Variants in VAMP3 observed in about 807,000 individuals in gnomAD.
VAMP3 encodes vesicle-associated membrane protein 3.
Under a neutral mutation model 18.1 loss-of-function variants are expected in VAMP3, and 11 were observed. The ratio of observed to expected loss-of-function variants is 0.61; its 90% CI spans 0.38 to 1.00. The LOEUF is 1.00. Among genes scored for constraint, VAMP3 ranks in the 50% least tolerant of loss-of-function variants. The pLI is 0.01. For synonymous variants in VAMP3, 49 were observed against 43.1 expected (o/e 1.14, Z -0.53); for missense variants, 122 against 127.3 (o/e 0.96, Z 0.20).
chr1:7,779,282 A>G (rs1459373311), intron 4 of VAMP3, among the ~76,000 whole-genome samples: 2 of 152,170 alleles, frequency 1.3e-5, no homozygotes, highest in Admixed American at 1.3e-4. Flanking sequence ...TAAATAATAT[A>G]TATGTATACA....
intron 1 of VAMP3, among the ~76,000 whole-genome samples, chr1:7,771,969 C>T (rs1048045106): frequency 3.9e-5 from 6 of 152,350 alleles, no homozygotes; most frequent in African/African-American, 9.6e-5. Flanking sequence ...CCCTCTTCCA[C>T]CTCCATTCTG....
chr1:7,771,911 C>G (rs2097051243), intron 1 of VAMP3, among the ~76,000 whole-genome samples: 1 of 152,250 alleles, frequency 6.6e-6, no homozygotes, highest in African/African-American at 2.4e-5. Context: ...ACCCCTGCTT[C>G]CAGTGGTAAG....
In VAMP3 at chr1:7,777,183, C is replaced by T. The variant is rs762652944; in HGVS notation, c.96C>T (p.Asn32=). 4.8e-5 allele frequency: 78 copies of T among 1,612,524 alleles called. No homozygotes were observed. The highest frequency in any genetic ancestry group is 6.7e-5 in the African/African-American group (5 of 74,868). ...AGGTGGTGGACATAATGCGAGTTAA[C>T]GTGGACAAGGTTCTGGAAAGAGACC... ...VDEVVDIMRV[N]VDKVLERDQK... is the part of the protein sequence containing the mutation. The change falls in exon 3 of 5, where the codon AAC becomes AAT. Residue 32 remains asparagine (N), a synonymous_variant. Coordinates refer to ENST00000054666, the MANE Select transcript of VAMP3 (RefSeq NM_004781.4).
intron 4 of VAMP3, among the ~76,000 whole-genome samples, chr1:7,778,464 T>G (rs903299287): frequency 6.6e-6 from 1 of 152,058 alleles, no homozygotes; most frequent in African/African-American, 2.4e-5. Flanking sequence ...AGCCCAGGAA[T>G]TCAAGGCTGC....
chr1:7,781,018 C>CA lies in VAMP3; in HGVS notation c.*1374dup, dbSNP rs1188609295. On this transcript the variant is annotated 3_prime_UTR_variant, in exon 5 of 5. Coordinates refer to ENST00000054666, the MANE Select transcript of VAMP3 (RefSeq NM_004781.4). ...AAGGAGGCACTGAGGGAGAAAGACA[C>CA]AGACTTTATCGCTCTGTGGCTCATT... The CA allele has an allele frequency of 6.5e-6, 1 of 152,816 alleles. No homozygotes were observed. Among genetic ancestry groups the CA allele is most frequent in the Non-Finnish European group, 1.5e-5 (1 of 68,038 alleles). 9.5% of individuals were successfully genotyped at this position (152,816 alleles called of 1,614,324 possible). A position where few individuals can be genotyped will look rare whatever the true frequency, so the allele number is the denominator to read the frequency against.
rs1342132632 is a variant in VAMP3 at position 7,781,398 on chromosome 1, C to T, written c.*1753C>T. 1 of 152,556 alleles carries T rather than the reference C, an allele frequency of 6.6e-6. No individual in the cohort carries two copies. Among genetic ancestry groups the T allele is most frequent in the Admixed American group, 6.5e-5 (1 of 15,284 alleles). The allele number at this position is 152,556 out of a possible 1,614,324, so 9.5% of individuals were successfully genotyped here. ...GTGCACTTAGCTGGGAACTTACCCA[C>T]TGTAATCACCTAAATAAAGTGTTTA... is the stretch of plus-strand genomic sequence containing the variant. On this transcript the variant is annotated 3_prime_UTR_variant, in exon 5 of 5. Transcript: ENST00000054666.
rs539097478 is a variant in VAMP3, at chr1:7,780,746, C to T, written c.*1101C>T. On this transcript the variant is annotated 3_prime_UTR_variant, in exon 5 of 5. Coordinates refer to ENST00000054666, the MANE Select transcript of VAMP3 (RefSeq NM_004781.4). ...TTTGTTTCCTATTTGTATTCACATTCTGCTTCCTAAATCAGTTTTCTAAAT... is the reference window on the plus strand; with the variant it reads ...TTTGTTTCCTATTTGTATTCACATTTTGCTTCCTAAATCAGTTTTCTAAAT... 6.6e-6 allele frequency: 1 copy of T among 152,482 alleles called. No individual in the cohort carries two copies. The highest frequency in any genetic ancestry group is 2.1e-4 in the South Asian group (1 of 4,820). The allele number at this position is 152,482 out of a possible 1,614,324, so 9.4% of individuals were successfully genotyped here.
At chr1:7,778,863 T>C (rs1239822797) in intron 4 of VAMP3, among the ~76,000 whole-genome samples, 1 of 107,262 alleles carries the variant, frequency 9.3e-6, no homozygotes, top group Non-Finnish European at 2.1e-5. Context: ...GTCCCTGTCT[T>C]GTTTGTTTGT....
rs1314819471 is a variant in VAMP3 at position 7,781,311 on chromosome 1, G to C, written c.*1666G>C. 2 of 152,858 alleles carry C rather than the reference G, an allele frequency of 1.3e-5. No homozygotes were observed. Among genetic ancestry groups the C allele is most frequent in the Admixed American group, 6.5e-5 (1 of 15,278 alleles). The allele number at this position is 152,858 out of a possible 1,614,324, so 9.5% of individuals were successfully genotyped here. ...CCTTGGTACTCGCCCCTTGGCCACAGTGCCCAGACCCATGTAACCCACTGG... is the reference window on the plus strand; with the variant it reads ...CCTTGGTACTCGCCCCTTGGCCACACTGCCCAGACCCATGTAACCCACTGG... On this transcript the variant is annotated 3_prime_UTR_variant, in exon 5 of 5. Coordinates refer to ENST00000054666, the MANE Select transcript of VAMP3 (RefSeq NM_004781.4).
At chr1:7,773,411 G>A (rs1558352699) in intron 1 of VAMP3, 31 bp from the exon 2 acceptor site, 4 of 1,581,726 alleles carry the variant, frequency 2.5e-6, no homozygotes, top group Non-Finnish European at 3.5e-6. Context: ...GAATCGTAAT[G>A]TACTCATGCT....
intron 1 of VAMP3, 102 bp downstream of exon 1, chr1:7,771,487 C>T (rs185923261): frequency 1.5e-6 from 2 of 1,342,418 alleles, no homozygotes; most frequent in South Asian, 3.3e-5. Flanking sequence ...CACTCGGACG[C>T]AGGCCGGGGC....
intron 1 of VAMP3, among the ~76,000 whole-genome samples, chr1:7,771,829 G>C (rs1577562652): frequency 6.6e-6 from 1 of 152,396 alleles, no homozygotes; most frequent in South Asian, 2.1e-4. Flanking sequence ...TCCTTGCCTA[G>C]CTAGGGGCAT....
intron 4 of VAMP3, 53 bp downstream of exon 4, chr1:7,778,222 G>A: frequency 1.3e-6 from 2 of 1,592,884 alleles, no homozygotes; most frequent in Non-Finnish European, 1.7e-6. Context: ...TGTGTTCACA[G>A]ACCATTGATT....
intron 4 of VAMP3, 37 bp from the exon 5 acceptor site, chr1:7,779,589 G>C: frequency 1.2e-6 from 2 of 1,614,104 alleles, no homozygotes; most frequent in African/African-American, 2.7e-5. Flanking sequence ...CTAACCTGCT[G>C]TTTCCCCTGC....
At position 7,771,487 on chromosome 1, in the gene VAMP3, C is replaced by G. The variant is rs185923261; in HGVS notation, c.2+102C>G. ...GTTGCCGCCGGCCGCCACTCGGACG[C>G]AGGCCGGGGCTGCGCGGGGATCCCG... On this transcript the variant is annotated intron_variant, in intron 1 of 4. Coordinates refer to ENST00000054666, the MANE Select transcript of VAMP3 (RefSeq NM_004781.4). 4,407 of 1,342,518 alleles carry G rather than the reference C, an allele frequency of 3.3e-3. 102 individuals are homozygous for G. In the African/African-American group the frequency reaches 0.061, roughly 18 times the overall value. The allele number at this position is 1,342,518 out of a possible 1,614,324, so 83.2% of individuals were successfully genotyped here.
In VAMP3 at chr1:7,779,752, T is replaced by G. The variant is rs2097056182; in HGVS notation, c.*107T>G. Reference sequence around the variant, plus strand: ...CCTACTGTTATCTCTAAAATTTTTTTTGTGTTAATGTAAAGTTGAATTTCT... The same window carrying G: ...CCTACTGTTATCTCTAAAATTTTTTGTGTGTTAATGTAAAGTTGAATTTCT... On this transcript the variant is annotated 3_prime_UTR_variant, in exon 5 of 5. Transcript: ENST00000054666. The G allele has an allele frequency of 2.7e-6, 4 of 1,503,122 alleles. No individual in the cohort carries two copies. Among genetic ancestry groups the G allele is most frequent in the East Asian group, 2.3e-5 (1 of 44,032 alleles). 93.1% of individuals were successfully genotyped at this position (1,503,122 alleles called of 1,614,324 possible).
chr1:7,772,073 C>A (rs74506516), intron 1 of VAMP3, among the ~76,000 whole-genome samples: 1,737 of 152,322 alleles, frequency 0.011, 28 homozygotes, highest in African/African-American at 0.04. Context: ...GCCAATAGAT[C>A]ACAGTGGTTA....
chr1:7,781,157 A>G lies in VAMP3; in HGVS notation c.*1512A>G, dbSNP rs1163626284. ...TTTCTTTAACGTCTGTTCCCTTAAC[A>G]TCGCTGAAATGATTTACTGTTGAAG... On this transcript the variant is annotated 3_prime_UTR_variant, in exon 5 of 5. Coordinates refer to ENST00000054666, the MANE Select transcript of VAMP3 (RefSeq NM_004781.4). The G allele has an allele frequency of 6.5e-6, 1 of 152,824 alleles. No individual in the cohort carries two copies. Among genetic ancestry groups the G allele is most frequent in the Non-Finnish European group, 1.5e-5 (1 of 68,056 alleles). 9.5% of individuals were successfully genotyped at this position (152,824 alleles called of 1,614,324 possible).
At chr1:7,777,404 G>C (rs181874066) in intron 3 of VAMP3, 86 bp downstream of exon 3, 1 of 1,474,750 alleles carries the variant, frequency 6.8e-7, no homozygotes, top group Non-Finnish European at 9.0e-7. Flanking sequence ...GGACTTTCAC[G>C]ACTCTGGGAG....
Sources: gnomAD v4.1 joint callset for allele counts (sites outside exome capture counted in the v4.1 genomes callset) on GRCh38, gnomAD v4.1.1 for gene constraint, MANE v1.5 for transcripts, NCBI Gene and HGNC (gene_info 2026-07-23, HGNC 2026-07-21) for gene names.